The following PRSS23 variants were observed in gnomAD, a reference collection of about 807,000 sequenced individuals.
The protein encoded by PRSS23 is serine protease 23.
In PRSS23, 25 loss-of-function variants were observed where a neutral mutation model predicts 34.7. That is an observed-to-expected ratio of 0.72 (90% CI 0.53 to 1.01). PRSS23 has a LOEUF of 1.01. Among genes scored for constraint, PRSS23 ranks in the 50% least tolerant of loss-of-function variants. PRSS23 has a pLI of 0.00. For synonymous variants in PRSS23, 176 were observed against 186.6 expected (o/e 0.94, Z 0.46); for missense variants, 445 against 475.6 (o/e 0.94, Z 0.60).
chr11:86,945,452 T>C (rs1949235001), intron 2 of PRSS23, among the ~76,000 whole-genome samples: 1 of 152,170 alleles, frequency 6.6e-6, no homozygotes. Context: ...TGAGTGTTAC[T>C]GATGACCATA....
intron 2 of PRSS23, among the ~76,000 whole-genome samples, chr11:86,867,994 C>G (rs1021326309): frequency 3.3e-5 from 5 of 152,104 alleles, no homozygotes; most frequent in African/African-American, 1.2e-4. Context: ...CGCCTCGGCC[C>G]CTCTTCACCT....
At chr11:86,939,207 G>A (rs540267043) in intron 2 of PRSS23, 18 of 292,582 alleles carry the variant, frequency 6.2e-5, no homozygotes, top group Middle Eastern at 4.2e-4. Context: ...TAAGGAGTGT[G>A]TTTTCTCCCA....
chr11:86,908,868 C>T (rs1374389523), intron 2 of PRSS23: 6 of 151,878 alleles, frequency 4.0e-5, no homozygotes, highest in Admixed American at 6.6e-5. Context: ...CCCTGGAGCT[C>T]GTTAGAAATG....
upstream of PRSS23, among the ~76,000 whole-genome samples, chr11:86,798,655 G>T (rs189055036): frequency 6.6e-6 from 1 of 152,094 alleles, no homozygotes; most frequent in Admixed American, 6.5e-5. Flanking sequence ...TTTTATTTGC[G>T]AGTTGTTCAA....
At chr11:86,916,614 A>G (rs1290968434) in intron 2 of PRSS23, among the ~76,000 whole-genome samples, 1 of 152,178 alleles carries the variant, frequency 6.6e-6, no homozygotes, top group East Asian at 1.9e-4. Flanking sequence ...AACACTCATG[A>G]GTGCTTCTCA....
At chr11:86,951,019 G>T (rs1458602994) in intron 2 of PRSS23, 2 of 1,045,282 alleles carry the variant, frequency 1.9e-6, no homozygotes, top group Non-Finnish European at 3.0e-6. Context: ...GTTGACGGGG[G>T]TCACTTAATT....
chr11:86,856,865 T>G (rs1014246678), intron 2 of PRSS23, among the ~76,000 whole-genome samples: 1 of 152,170 alleles, frequency 6.6e-6, no homozygotes, highest in African/African-American at 2.4e-5. Flanking sequence ...ATGATGTTTA[T>G]GCTAAACAAA....
intron 2 of PRSS23, among the ~76,000 whole-genome samples, chr11:86,840,563 T>C (rs1436376888): frequency 6.6e-6 from 1 of 152,062 alleles, no homozygotes; most frequent in East Asian, 1.9e-4. Flanking sequence ...AGACAGAAGG[T>C]TAACAAGGAT....
intron 2 of PRSS23, among the ~76,000 whole-genome samples, chr11:86,927,243 G>C (rs1166719870): frequency 6.6e-6 from 1 of 152,146 alleles, no homozygotes. Context: ...ATTATAGGCA[G>C]GCGTTGTCAT....
chr11:86,836,170 T>A (rs563005219), intron 2 of PRSS23, among the ~76,000 whole-genome samples: 2 of 152,282 alleles, frequency 1.3e-5, no homozygotes. Context: ...AAGGGCCTCA[T>A]TGATAATCCT....
intron 2 of PRSS23, among the ~76,000 whole-genome samples, chr11:86,861,319 C>A (rs1280578711): frequency 1.3e-5 from 2 of 149,030 alleles, no homozygotes; most frequent in Non-Finnish European, 3.0e-5. Context: ...CGGAGAGGGG[C>A]ATGATATTAC....
downstream of PRSS23, among the ~76,000 whole-genome samples, chr11:86,814,429 A>G (rs1948201361): frequency 6.6e-6 from 1 of 152,164 alleles, no homozygotes; most frequent in Non-Finnish European, 1.5e-5. Flanking sequence ...AAGGACAACA[A>G]GGAAAATGTG....
intron 2 of PRSS23, chr11:86,933,953 T>G (rs1053215225): frequency 3.9e-5 from 6 of 152,230 alleles, no homozygotes; most frequent in Non-Finnish European, 4.4e-5. Flanking sequence ...AAAACTTTAC[T>G]GAGTCCATGA....
rs1225362851 is a variant in PRSS23, at chr11:86,834,506, TTTTCCTTTCCTTTCC to T, written c.206+10947_206+10961del. Reference sequence around the variant, plus strand: ...ATATCTGCTTGGTGATTCCCTTCTATTTTCCTTTCCTTTCCTTTCCTTTCCTTTCCTTTCCTTTCC... The same window carrying T: ...ATATCTGCTTGGTGATTCCCTTCTATTTTCCTTTCCTTTCCTTTCCTTTCC... On this transcript the variant is annotated intron_variant, in intron 2 of 2. Coordinates refer to the PRSS23 transcript ENST00000533902. Among the ~76,000 whole-genome samples, 599 of 115,086 alleles carry T rather than the reference TTTTCCTTTCCTTTCC, an allele frequency of 5.2e-3. 12 individuals are homozygous for T. Among genetic ancestry groups the T allele is most frequent in the African/African-American group, 0.019 (536 of 27,682 alleles). The allele number at this position is 115,086 out of a possible 152,430, so 75.5% of individuals were successfully genotyped here.
chr11:86,824,942 C>T (rs1041269859), intron 2 of PRSS23, among the ~76,000 whole-genome samples: 97 of 152,024 alleles, frequency 6.4e-4, no homozygotes, highest in Non-Finnish European at 1.2e-3. Flanking sequence ...ATAAACATAC[C>T]TGTGTATGTG....
At chr11:86,899,110 C>T (rs751036548) in intron 2 of PRSS23, among the ~76,000 whole-genome samples, 4 of 152,190 alleles carry the variant, frequency 2.6e-5, no homozygotes, top group Non-Finnish European at 4.4e-5. Flanking sequence ...CCTGCTTCAA[C>T]AAACCCTGGC....
chr11:86,854,525 C>T (rs1469909494), intron 2 of PRSS23, among the ~76,000 whole-genome samples: 1 of 152,112 alleles, frequency 6.6e-6, no homozygotes, highest in Non-Finnish European at 1.5e-5. Context: ...AGATGTAATC[C>T]AAGGAATCTA....
intron 2 of PRSS23, among the ~76,000 whole-genome samples, chr11:86,884,489 G>T (rs556297403): frequency 6.6e-6 from 1 of 152,134 alleles, no homozygotes; most frequent in South Asian, 2.1e-4. Context: ...TAGTAGAGAC[G>T]GGGTTTCTCC....
chr11:86,889,574 G>T (rs1266088251), intron 2 of PRSS23, among the ~76,000 whole-genome samples: 1 of 152,136 alleles, frequency 6.6e-6, no homozygotes, highest in Non-Finnish European at 1.5e-5. Context: ...TTTTTATAAG[G>T]GTGATCCCAT....
Sources: allele counts gnomAD v4.1 joint callset (sites outside exome capture counted in the v4.1 genomes callset), GRCh38; gene constraint gnomAD v4.1.1; transcripts MANE v1.5; gene names NCBI Gene and HGNC (gene_info 2026-07-23, HGNC 2026-07-21).